Variants in BCAT1 observed in about 807,000 individuals in gnomAD.
The protein encoded by BCAT1 is branched-chain-amino-acid aminotransferase, cytosolic.
A neutral mutation model predicts 52.4 loss-of-function variants in BCAT1; 48 were observed. That is an observed-to-expected ratio of 0.92 (90% CI 0.73 to 1.16). The LOEUF (loss-of-function observed/expected upper bound fraction) is 1.16, where lower values mean the gene tolerates loss of function less well. BCAT1 is among the 50% of genes most tolerant of loss of function. BCAT1 has a pLI of 0.00. For synonymous variants in BCAT1, 167 were observed against 161.3 expected (o/e 1.04, Z -0.27); for missense variants, 451 against 457.1 (o/e 0.99, Z 0.12).
upstream of BCAT1, chr12:24,949,254 C>T (rs78609079): frequency 3.9e-3 from 1,847 of 470,322 alleles, 33 homozygotes; most frequent in African/African-American, 0.033. Flanking sequence ...TCACTCACTG[C>T]TCACTCCCGG....
intron 10 of BCAT1, among the ~76,000 whole-genome samples, chr12:24,825,127 GTGTGTGTGTATATA>G (rs1260896324): frequency 6.6e-5 from 4 of 60,392 alleles, no homozygotes; most frequent in East Asian, 7.0e-4. Context: ...GTGTGTGTGT[GTGTGTGTGTATATA>G]TATATATATA....
chr12:24,948,048 C>A (rs2139775290), intron 1 of BCAT1, among the ~76,000 whole-genome samples: 1 of 152,360 alleles, frequency 6.6e-6, no homozygotes, highest in Non-Finnish European at 1.5e-5. Flanking sequence ...TTGAGAACCA[C>A]GCTTCATCTC....
At chr12:24,930,097 T>C (rs1943656288) in intron 1 of BCAT1, among the ~76,000 whole-genome samples, 2 of 152,228 alleles carry the variant, frequency 1.3e-5, no homozygotes, top group Non-Finnish European at 2.9e-5. Context: ...CCCTCTCCTA[T>C]GGCAAATGCC....
chr12:24,841,505 G>A (rs1468813693), intron 7 of BCAT1, among the ~76,000 whole-genome samples: 2 of 152,108 alleles, frequency 1.3e-5, no homozygotes, highest in Non-Finnish European at 2.9e-5. Context: ...TTCCAATCAT[G>A]GTAACTTAAA....
chr12:24,948,301 C>G (rs1309512047), intron 1 of BCAT1, among the ~76,000 whole-genome samples: 3 of 152,184 alleles, frequency 2.0e-5, no homozygotes, highest in African/African-American at 4.8e-5. Flanking sequence ...GGCAGCTAGG[C>G]TAATTATCCT....
intron 2 of BCAT1, among the ~76,000 whole-genome samples, chr12:24,901,223 A>C (rs1332302533): frequency 6.6e-6 from 1 of 152,204 alleles, no homozygotes; most frequent in Non-Finnish European, 1.5e-5. Context: ...ACAGTGACTC[A>C]AACAGGCAGA....
At chr12:24,937,462 G>A (rs932131419) in intron 1 of BCAT1, among the ~76,000 whole-genome samples, 19 of 152,164 alleles carry the variant, frequency 1.2e-4, no homozygotes, top group African/African-American at 4.6e-4. Context: ...AACAGGAAGA[G>A]GTTGAAGAGG....
At chr12:24,870,291 T>C (rs1015189072) in intron 5 of BCAT1, among the ~76,000 whole-genome samples, 3 of 152,186 alleles carry the variant, frequency 2.0e-5, no homozygotes, top group African/African-American at 4.8e-5. Flanking sequence ...ATGATATATA[T>C]ACATGTTATA....
intron 5 of BCAT1, among the ~76,000 whole-genome samples, chr12:24,870,549 CCAGA>C (rs746859123): frequency 1.7e-4 from 26 of 152,184 alleles, no homozygotes; most frequent in Admixed American, 3.3e-4. Context: ...TGACCCCCTG[CCAGA>C]CACTGAGCTC....
intron 9 of BCAT1, among the ~76,000 whole-genome samples, chr12:24,831,420 A>G (rs1303825992): frequency 6.6e-6 from 1 of 152,158 alleles, no homozygotes; most frequent in Admixed American, 6.5e-5. Context: ...AGGTCAAGGC[A>G]GGTGAATCAC....
chr12:24,822,858 C>T (rs533098437), intron 10 of BCAT1, among the ~76,000 whole-genome samples: 13 of 152,040 alleles, frequency 8.6e-5, no homozygotes, highest in Admixed American at 1.3e-4. Flanking sequence ...TTACTACCAA[C>T]GGTGAAAAAA....
At chr12:24,946,287 C>G (rs1169080069) in intron 1 of BCAT1, among the ~76,000 whole-genome samples, 2 of 152,062 alleles carry the variant, frequency 1.3e-5, no homozygotes, top group Admixed American at 1.3e-4. Flanking sequence ...AAATAAGGAA[C>G]AAAATATATA....
intron 5 of BCAT1, among the ~76,000 whole-genome samples, chr12:24,852,550 T>A (rs1487980951): frequency 6.6e-6 from 1 of 152,214 alleles, no homozygotes; most frequent in African/African-American, 2.4e-5. Flanking sequence ...TGAAATAAAT[T>A]TCCCCTGGTT....
In BCAT1 at chr12:24,817,857, G is replaced by A; in HGVS notation, c.*151C>T. The A allele has an allele frequency of 1.3e-6, 1 of 754,086 alleles. No individual in the cohort carries two copies. The highest frequency in any genetic ancestry group is 2.5e-5 in the Admixed American group (1 of 40,004). The allele number at this position is 754,086 out of a possible 1,614,324, so 46.7% of individuals were successfully genotyped here. A position where few individuals can be genotyped will look rare whatever the true frequency, so the allele number is the denominator to read the frequency against. ...GATTGCAATTCATTTTCTCTGGCAT[G>A]AAGAAACAATCACTCTTGTAACACA... On this transcript the variant is annotated 3_prime_UTR_variant, in exon 11 of 11. Coordinates refer to ENST00000261192, the MANE Select transcript of BCAT1 (RefSeq NM_005504.7).
chr12:24,836,454 A>C (rs1940926353), intron 8 of BCAT1, 57 bp downstream of exon 8: 1 of 1,427,810 alleles, frequency 7.0e-7, no homozygotes, highest in Admixed American at 1.9e-5. Context: ...GGCTGGGCTT[A>C]TTTTGATTAT....
intron 5 of BCAT1, among the ~76,000 whole-genome samples, chr12:24,858,090 T>C (rs1031441722): frequency 6.6e-6 from 1 of 152,184 alleles, no homozygotes; most frequent in Non-Finnish European, 1.5e-5. Context: ...ACTGCACCTG[T>C]TTATTAGGCC....
At chr12:24,910,583 G>A (rs1469825599) in intron 1 of BCAT1, among the ~76,000 whole-genome samples, 3 of 152,072 alleles carry the variant, frequency 2.0e-5, no homozygotes, top group African/African-American at 7.2e-5. Flanking sequence ...AGATAAACAT[G>A]AAATAAGTAA....
chr12:24,828,613 A>G (rs1940508330), intron 10 of BCAT1, among the ~76,000 whole-genome samples: 1 of 152,222 alleles, frequency 6.6e-6, no homozygotes, highest in South Asian at 2.1e-4. Context: ...GGAGAAAACT[A>G]CTTATTGATA....
rs1940743521 is a variant in BCAT1, at chr12:24,832,866, G to A, written c.904-3C>T. ...CTCTCTGACACCTTAAATTCACCCTGCATGGAATATAAAAAATAACAAGTA... is the reference window on the plus strand; with the variant it reads ...CTCTCTGACACCTTAAATTCACCCTACATGGAATATAAAAAATAACAAGTA... On this transcript the variant is annotated splice_polypyrimidine_tract_variant and splice_region_variant and intron_variant, in intron 8 of 10. Coordinates refer to ENST00000261192, the MANE Select transcript of BCAT1 (RefSeq NM_005504.7). The A allele has an allele frequency of 6.2e-7, 1 of 1,602,122 alleles. No homozygotes were observed. Among genetic ancestry groups the A allele is most frequent in the South Asian group, 1.1e-5 (1 of 89,250 alleles).
Sources: allele counts gnomAD v4.1 joint callset (sites outside exome capture counted in the v4.1 genomes callset), GRCh38; gene constraint gnomAD v4.1.1; transcripts MANE v1.5; gene names NCBI Gene and HGNC (gene_info 2026-07-23, HGNC 2026-07-21).